The following THAP12 variants were observed in gnomAD, a reference collection of about 807,000 sequenced individuals.
THAP12 encodes THAP domain containing 12, also known as 52 kDa repressor of the inhibitor of the protein kinase.
Under a neutral mutation model 63.0 loss-of-function variants are expected in THAP12, and 20 were observed. The observed-to-expected ratio is 0.32, with a 90% CI of 0.22 to 0.46. The LOEUF (loss-of-function observed/expected upper bound fraction) is 0.46, where lower values mean the gene tolerates loss of function less well. Among genes scored for constraint, THAP12 ranks in the 20% least tolerant of loss-of-function variants. The probability of loss-of-function intolerance (pLI) is 1.00; values close to 1 mark genes in which losing one functional copy is unlikely to be tolerated. For missense variants in THAP12, 568 were observed against 908.2 expected (o/e 0.63, Z 4.81); for synonymous variants, 264 against 328.4 (o/e 0.80, Z 2.12).
At chr11:76,371,708 T>A (rs1175112680) in intron 1 of THAP12, among the ~76,000 whole-genome samples, 2 of 151,446 alleles carry the variant, frequency 1.3e-5, no homozygotes, top group Non-Finnish European at 2.9e-5. Context: ...TCCTACTCTA[T>A]CCCTTTTCCA....
At chr11:76,362,274 T>C (rs546248715) in intron 2 of THAP12, among the ~76,000 whole-genome samples, 2 of 152,232 alleles carry the variant, frequency 1.3e-5, no homozygotes, top group African/African-American at 4.8e-5. Context: ...TTTCAAAATA[T>C]CTAAGCATGC....
chr11:76,373,157 G>A (rs1393793211), intron 1 of THAP12, among the ~76,000 whole-genome samples: 5 of 151,940 alleles, frequency 3.3e-5, no homozygotes, highest in Non-Finnish European at 5.9e-5. Context: ...TCCAGCCTGG[G>A]CAACATGGCG....
intron 1 of THAP12, among the ~76,000 whole-genome samples, 196 bp from the exon 2 acceptor site, chr11:76,366,168 T>C (rs1215739990): frequency 6.6e-6 from 1 of 152,148 alleles, no homozygotes; most frequent in Non-Finnish European, 1.5e-5. Flanking sequence ...ACATTTCAAT[T>C]ACAGACAAGG....
chr11:76,362,410 A>G (rs1317745964), intron 2 of THAP12, among the ~76,000 whole-genome samples: 1 of 152,264 alleles, frequency 6.6e-6, no homozygotes, highest in Admixed American at 6.5e-5. Flanking sequence ...GTACCCAAAG[A>G]GTTGTTAAAC....
chr11:76,360,645 CCTTA>C (rs1386286891), intron 3 of THAP12, among the ~76,000 whole-genome samples: 1 of 152,104 alleles, frequency 6.6e-6, no homozygotes, highest in Non-Finnish European at 1.5e-5. Flanking sequence ...GCTCTATTTT[CCTTA>C]CTATGAAAGA....
At chr11:76,366,344 G>A (rs1384795912) in intron 1 of THAP12, among the ~76,000 whole-genome samples, 2 of 152,074 alleles carry the variant, frequency 1.3e-5, no homozygotes, top group Non-Finnish European at 2.9e-5. Flanking sequence ...TTCCCTTCAG[G>A]ATTTCAACTT....
At chr11:76,374,143 T>C (rs1379719697) in intron 1 of THAP12, among the ~76,000 whole-genome samples, 1 of 152,220 alleles carries the variant, frequency 6.6e-6, no homozygotes, top group African/African-American at 2.4e-5. Context: ...GTTATTACAA[T>C]ACTCCTCTTT....
intron 1 of THAP12, among the ~76,000 whole-genome samples, chr11:76,370,358 T>C (rs565960531): frequency 5.7e-4 from 86 of 151,884 alleles, no homozygotes; most frequent in African/African-American, 1.9e-3. Flanking sequence ...TCTGTGCATA[T>C]GTTTTTTGGG....
At position 76,351,721 on chromosome 11, in the gene THAP12, A is replaced by C; in HGVS notation, c.1429T>G (p.Phe477Val). The C allele has an allele frequency of 1.2e-6, 2 of 1,605,320 alleles. No individual in the cohort carries two copies. The highest frequency in any genetic ancestry group is 1.7e-6 in the Non-Finnish European group (2 of 1,176,832). Residue 477 changes from phenylalanine (F) to valine (V), a missense_variant, in exon 5 of 5, where the codon TTT becomes GTT. Coordinates refer to ENST00000260045, the MANE Select transcript of THAP12 (RefSeq NM_004705.4). ...AFVLCSAVSD[F>V]DFIVTIVVLK... ...ACAACAATAGTAACAATGAAATCAA[A>C]ATCTGACACTGCACTGCAGAGTACA...
At chr11:76,355,898 A>G in intron 3 of THAP12, 1 of 334,068 alleles carries the variant, frequency 3.0e-6, no homozygotes, top group Non-Finnish European at 5.4e-6. Flanking sequence ...CATTTTGCTT[A>G]TTTTCTACCT....
chr11:76,370,282 G>T (rs758416281), intron 1 of THAP12, among the ~76,000 whole-genome samples: 11 of 152,048 alleles, frequency 7.2e-5, no homozygotes, highest in Non-Finnish European at 1.3e-4. Flanking sequence ...TAAAAATCCC[G>T]GTGAAATTTT....
At chr11:76,367,098 CAG>C (rs1300897090) in intron 1 of THAP12, among the ~76,000 whole-genome samples, 1 of 148,692 alleles carries the variant, frequency 6.7e-6, no homozygotes, top group African/African-American at 2.5e-5. Context: ...TTTTTTGAGA[CAG>C]AGTTTTGCTC....
At position 76,351,942 on chromosome 11, in the gene THAP12, T is replaced by C. The variant is rs774867639; in HGVS notation, c.1208A>G (p.Asn403Ser). The C allele has an allele frequency of 5.6e-6, 9 of 1,598,220 alleles. No homozygotes were observed. Among genetic ancestry groups the C allele is most frequent in the African/African-American group, 2.7e-5 (2 of 74,066 alleles). Residue 403 changes from asparagine to serine, a missense_variant, in exon 5 of 5, where the codon AAC becomes AGC. Transcript: ENST00000260045. ...GTTCTGAAAAAGAACAGAAATTACG[T>C]TGTCAAGTTCTAAAAGCAGTTGTGG... is the stretch of plus-strand genomic sequence containing the variant. ...RSPQLLLELD[N>S]VISVLFQNSK...
chr11:76,373,786 C>A (rs1409537013), intron 1 of THAP12, among the ~76,000 whole-genome samples: 1 of 151,928 alleles, frequency 6.6e-6, no homozygotes, highest in Admixed American at 6.6e-5. Flanking sequence ...TTCATAGTCC[C>A]AGGATTCCTT....
chr11:76,374,435 G>C (rs1351817579), intron 1 of THAP12, among the ~76,000 whole-genome samples: 2 of 149,654 alleles, frequency 1.3e-5, no homozygotes, highest in African/African-American at 4.9e-5. Context: ...CACCAGAAAA[G>C]TCTTTAAGTA....
In THAP12 at chr11:76,354,595, T is replaced by C. The variant is rs544177019; in HGVS notation, c.355+1023A>G. On this transcript the variant is annotated intron_variant, in intron 4 of 4. Coordinates refer to ENST00000260045, the MANE Select transcript of THAP12 (RefSeq NM_004705.4). ...TCTATTCCCTTTACTCTCTCTACCA[T>C]TGCCTTAATTCAAGGCCTTTCAACT... is the stretch of plus-strand genomic sequence containing the variant. 1.7e-4 allele frequency among the ~76,000 whole-genome samples: 26 copies of C among 152,350 alleles called. No homozygotes were observed. In the South Asian group the frequency reaches 2.1e-3, roughly 12 times the overall value.
intron 2 of THAP12, among the ~76,000 whole-genome samples, chr11:76,363,009 G>A (rs1300676373): frequency 1.3e-5 from 2 of 152,162 alleles, no homozygotes; most frequent in East Asian, 1.9e-4. Context: ...GAGGTATGGT[G>A]GCATGTGCCT....
intron 1 of THAP12, among the ~76,000 whole-genome samples, chr11:76,379,952 A>C (rs1469462180): frequency 6.6e-6 from 1 of 152,188 alleles, no homozygotes; most frequent in Non-Finnish European, 1.5e-5. Context: ...GCAAGCAGTG[A>C]CACCCTTATT....
intron 1 of THAP12, among the ~76,000 whole-genome samples, chr11:76,366,305 T>C (rs1590803866): frequency 1.3e-5 from 2 of 152,208 alleles, no homozygotes; most frequent in Non-Finnish European, 2.9e-5. Flanking sequence ...GAAAGCTGCA[T>C]GCACAGCCAC....
Sources: gnomAD v4.1 joint callset for allele counts (sites outside exome capture counted in the v4.1 genomes callset) on GRCh38, gnomAD v4.1.1 for gene constraint, MANE v1.5 for transcripts, NCBI Gene and HGNC (gene_info 2026-07-23, HGNC 2026-07-21) for gene names.